UNC93B1: variants seen among roughly 807,000 people sequenced by gnomAD.
The protein encoded by UNC93B1 is unc-93B1 regulator of TLR signaling.
Under a neutral mutation model 56.8 loss-of-function variants are expected in UNC93B1, and 33 were observed. That is an observed-to-expected ratio of 0.58 (90% CI 0.44 to 0.78). UNC93B1 has a LOEUF of 0.78. Among genes scored for constraint, UNC93B1 ranks in the 30% least tolerant of loss-of-function variants. UNC93B1 has a pLI of 0.00. For synonymous variants in UNC93B1, 334 were observed against 358.6 expected (o/e 0.93, Z 0.77); for missense variants, 673 against 819.5 (o/e 0.82, Z 2.18).
rs769636031 is a variant in UNC93B1, at chr11:67,999,261, T to C, written c.599A>G (p.Asp200Gly). ...AGGCCGCTGCTTCATCCCCTGCCCA[T>C]CCTGCTCCTTGTAGTGGGAGTACTC... ...YHEYSHYKEQ[D>G]GQGMKQRPPR... The change falls in exon 5 of 11, where the codon GAT becomes GGT. Residue 200 changes from aspartate (D) to glycine (G), a missense_variant. This residue lies in a region of UNC93B1 where 438 missense variants were observed against 465.9 expected (regional missense o/e 0.94). Transcript: ENST00000227471. 1.1e-5 allele frequency: 18 copies of C among 1,613,726 alleles called. No individual in the cohort carries two copies. The South Asian group carries it at 2.0e-4, about 18-fold the overall frequency.
chr11:67,992,167 C>T (rs987056126), intron 10 of UNC93B1, among the ~76,000 whole-genome samples: 1 of 152,252 alleles, frequency 6.6e-6, no homozygotes, highest in African/African-American at 2.4e-5. Flanking sequence ...TGGCCACAGG[C>T]CCTGCCTTCC....
At chr11:67,997,498 C>G (rs1227274028) in intron 7 of UNC93B1, 177 bp downstream of exon 7, 11 of 1,132,920 alleles carry the variant, frequency 9.7e-6, no homozygotes, top group Non-Finnish European at 1.3e-5. Flanking sequence ...CTCATGCCCG[C>G]TCTGCAGCAC....
intron 9 of UNC93B1, among the ~76,000 whole-genome samples, chr11:67,995,077 T>G (rs902165568): frequency 6.6e-6 from 1 of 152,180 alleles, no homozygotes; most frequent in Non-Finnish European, 1.5e-5. Context: ...GGCCCATGTC[T>G]GTATCTATGC....
chr11:68,002,932 C>A, intron 3 of UNC93B1, 90 bp downstream of exon 3: 1 of 1,461,606 alleles, frequency 6.8e-7, no homozygotes. Flanking sequence ...CCACAAACAC[C>A]CCGGCAGATG....
chr11:67,995,589 C>CCA lies in UNC93B1; in HGVS notation c.1363+21_1363+22insTG, dbSNP rs1554985241. 70 of 582,006 alleles carry CCA rather than the reference C, an allele frequency of 1.2e-4. 5 individuals are homozygous for CCA. Among genetic ancestry groups the CCA allele is most frequent in the Middle Eastern group, 5.9e-4 (1 of 1,690 alleles). 36.1% of individuals were successfully genotyped at this position (582,006 alleles called of 1,614,324 possible). On this transcript the variant is annotated intron_variant, in intron 9 of 10. Coordinates refer to ENST00000227471, the MANE Select transcript of UNC93B1 (RefSeq NM_030930.4). ...GCCCCCTGCCCCGCCCCCCCCCCCC[C>CCA]AGTGCCCACAGCTATACTCACTGCT... is the stretch of plus-strand genomic sequence containing the variant.
chr11:67,996,464 G>T, intron 8 of UNC93B1, 138 bp downstream of exon 8: 1 of 1,231,160 alleles, frequency 8.1e-7, no homozygotes, highest in Non-Finnish European at 1.1e-6. Context: ...AGAGGGAAGA[G>T]AAAGCAGGAG....
rs950196130 is a variant in UNC93B1, at chr11:68,003,933, C to T, written c.96+15G>A. The T allele has an allele frequency of 2.0e-5, 28 of 1,372,668 alleles. No homozygotes were observed. In the African/African-American group the frequency reaches 3.8e-4, roughly 18 times the overall value. The allele number at this position is 1,372,668 out of a possible 1,614,324, so 85.0% of individuals were successfully genotyped here. On this transcript the variant is annotated intron_variant, in intron 1 of 10. Transcript: ENST00000227471. The surrounding 1 kb of genome is among the most constrained non-coding windows in gnomAD (Gnocchi z 4.4). The stretch of plus-strand genomic sequence containing the variant: ...CAGGGGACGCCCGCGCCTCGCACTC[C>T]GGGTCCCCGCTCACCGGGGCCTCGG...
Position 68,003,555 on chromosome 11 carries a change from A to C in UNC93B1, c.238+102T>G. On this transcript the variant is annotated intron_variant, in intron 2 of 10. Coordinates refer to ENST00000227471, the MANE Select transcript of UNC93B1 (RefSeq NM_030930.4). The surrounding 1 kb of genome is among the most constrained non-coding windows in gnomAD (Gnocchi z 4.4). ...GTGGCTGCAGCTGCGAGGGCAGCGG[A>C]GGGGAAGTGAGAGCGGGCGGGAGGC... is the stretch of plus-strand genomic sequence containing the variant. 1 of 1,415,948 alleles carries C rather than the reference A, an allele frequency of 7.1e-7. No homozygotes were observed. 87.7% of individuals were successfully genotyped at this position (1,415,948 alleles called of 1,614,324 possible).
chr11:67,998,096 GA>G (rs2134362664), intron 6 of UNC93B1, among the ~76,000 whole-genome samples: 1 of 152,328 alleles, frequency 6.6e-6, no homozygotes, highest in African/African-American at 2.4e-5. Flanking sequence ...ATTGAGCTCT[GA>G]CTGTTTGCCT....
At chr11:67,999,422 C>T (rs778198761) in intron 4 of UNC93B1, 97 bp downstream of exon 4, 33 of 1,547,384 alleles carry the variant, frequency 2.1e-5, no homozygotes, top group South Asian at 5.9e-5. Flanking sequence ...GCCCAGAGGG[C>T]GGAAGGGGCT....
intron 8 of UNC93B1, 87 bp downstream of exon 8, chr11:67,996,515 A>G: frequency 2.1e-6 from 3 of 1,447,116 alleles, no homozygotes; most frequent in Non-Finnish European, 2.8e-6. Flanking sequence ...TACATATGTA[A>G]TTAAAAATTA....
At position 68,003,854 on chromosome 11, in the gene UNC93B1, C is replaced by T. The variant is rs771428255; in HGVS notation, c.97-56G>A. 2.5e-5 allele frequency: 34 copies of T among 1,339,008 alleles called. No homozygotes were observed. Among genetic ancestry groups the T allele is most frequent in the Non-Finnish European group, 3.2e-5 (33 of 1,047,398 alleles). The allele number at this position is 1,339,008 out of a possible 1,614,324, so 82.9% of individuals were successfully genotyped here. Reference sequence around the variant, plus strand: ...GATCGCGCCCCGAACCCGTGTCCCCCGGTGCCCGCCGCCCCCCGGCCCGCC... The same window carrying T: ...GATCGCGCCCCGAACCCGTGTCCCCTGGTGCCCGCCGCCCCCCGGCCCGCC... On this transcript the variant is annotated intron_variant, in intron 1 of 10. Transcript: ENST00000227471. The surrounding 1 kb of genome is among the most constrained non-coding windows in gnomAD (Gnocchi z 4.4).
At position 68,003,586 on chromosome 11, in the gene UNC93B1, C is replaced by A. The variant is rs1857081737; in HGVS notation, c.238+71G>T. 2.0e-6 allele frequency: 3 copies of A among 1,474,342 alleles called. No individual in the cohort carries two copies. The highest frequency in any genetic ancestry group is 2.7e-6 in the Non-Finnish European group (3 of 1,116,032). The allele number at this position is 1,474,342 out of a possible 1,614,324, so 91.3% of individuals were successfully genotyped here. A position where few individuals can be genotyped will look rare whatever the true frequency, so the allele number is the denominator to read the frequency against. ...AGTGAGAGCGGGCGGGAGGCGGCGG[C>A]CCGCGGTTTCTGTTTCCCGGGCCGG... is the stretch of plus-strand genomic sequence containing the variant. On this transcript the variant is annotated intron_variant, in intron 2 of 10. Transcript: ENST00000227471. The surrounding 1 kb of genome is among the most constrained non-coding windows in gnomAD (Gnocchi z 4.4).
chr11:67,997,537 G>A, intron 7 of UNC93B1, 138 bp downstream of exon 7: 2 of 1,431,130 alleles, frequency 1.4e-6, no homozygotes, highest in East Asian at 2.4e-5. Flanking sequence ...CTCAGATCGC[G>A]CTCCCAGGCC....
rs769871051 is a variant in UNC93B1, at chr11:67,999,669, G to A, written c.404C>T (p.Thr135Met). Residue 135 changes from threonine (T) to methionine (M), a missense_variant, in exon 4 of 11, where the codon ACG becomes ATG. Transcript: ENST00000227471. ...CACAGCGAGGAACATCATCCACTTC[G>A]TTCCAAAAAACCTGCGGACAGTGGG... ...YTPVLIRFFG[T>M]KWMMFLAVGI... 7.4e-6 allele frequency: 12 copies of A among 1,611,240 alleles called. No homozygotes were observed. The highest frequency in any genetic ancestry group is 4.5e-5 in the East Asian group (2 of 44,802).
At chr11:67,993,501 G>A (rs1856882896) in intron 10 of UNC93B1, among the ~76,000 whole-genome samples, 175 bp downstream of exon 10, 1 of 152,266 alleles carries the variant, frequency 6.6e-6, no homozygotes, top group South Asian at 2.1e-4. Flanking sequence ...CTGGCTGGAG[G>A]TGGGCCAGTA....
rs1428035135 is a variant in UNC93B1, at chr11:68,004,064, C to A, written c.-21G>T. 2.3e-6 allele frequency: 3 copies of A among 1,328,562 alleles called. No individual in the cohort carries two copies. The highest frequency in any genetic ancestry group is 3.1e-5 in the African/African-American group (2 of 65,146). The allele number at this position is 1,328,562 out of a possible 1,614,324, so 82.3% of individuals were successfully genotyped here. A position where few individuals can be genotyped will look rare whatever the true frequency, so the allele number is the denominator to read the frequency against. On this transcript the variant is annotated 5_prime_UTR_variant, in exon 1 of 11. Transcript: ENST00000227471. ...TCCATGGCCCGAACTACTGCGGACT[C>A]GCGGCGGTCGCCCCGGAGTCCCTGC...
At chr11:67,998,540 G>T in intron 5 of UNC93B1, 88 bp from the exon 6 acceptor site, 1 of 1,351,432 alleles carries the variant, frequency 7.4e-7, no homozygotes, top group Non-Finnish European at 1.0e-6. Flanking sequence ...TCCAGGCACA[G>T]CCTTGGGGGA....
chr11:67,996,491 T>C (rs1856949425), intron 8 of UNC93B1, 111 bp downstream of exon 8: 7 of 1,365,938 alleles, frequency 5.1e-6, no homozygotes, highest in Non-Finnish European at 6.8e-6. Context: ...ATTTGGGATA[T>C]ACATGTACAC....
Sources: gnomAD v4.1 joint callset for allele counts (sites outside exome capture counted in the v4.1 genomes callset) on GRCh38, gnomAD v4.1.1 for gene constraint, gnomAD v4.1.1 regional missense constraint, Gnocchi (gnomAD v3.1) non-coding constraint, MANE v1.5 for transcripts, NCBI Gene and HGNC (gene_info 2026-07-23, HGNC 2026-07-21) for gene names.